MAGI2: variants seen among roughly 807,000 people sequenced by gnomAD.
MAGI2 encodes membrane associated guanylate kinase, WW and PDZ domain containing 2.
MAGI2 carries 35 observed loss-of-function variants against 133.3 expected under a neutral mutation model. The observed-to-expected ratio is 0.26, with a 90% confidence interval of 0.20 to 0.35. The LOEUF (loss-of-function observed/expected upper bound fraction) is 0.35, where lower values mean the gene tolerates loss of function less well. Ranked by LOEUF, MAGI2 falls within the 10% of genes least tolerant of loss-of-function variation. MAGI2 has a pLI of 1.00. For missense variants in MAGI2, 1,636 were observed against 1,863.4 expected (o/e 0.88, Z 2.25); for synonymous variants, 729 against 710.6 (o/e 1.03, Z -0.41).
intron 1 of MAGI2, among the ~76,000 whole-genome samples, chr7:79,128,491 G>T (rs2129545142): frequency 1.3e-5 from 2 of 152,182 alleles, no homozygotes; most frequent in East Asian, 3.9e-4. Context: ...CTGTGATCCT[G>T]CTTTTCTTTT....
chr7:79,320,863 G>C (rs1029014552), intron 1 of MAGI2, among the ~76,000 whole-genome samples: 5 of 151,978 alleles, frequency 3.3e-5, no homozygotes, highest in East Asian at 1.9e-4. Flanking sequence ...CAGACCCAAG[G>C]CATTTCAAAA....
chr7:78,818,912 C>G (rs1313600810), intron 2 of MAGI2, among the ~76,000 whole-genome samples: 1 of 152,020 alleles, frequency 6.6e-6, no homozygotes, highest in Non-Finnish European at 1.5e-5. Flanking sequence ...CAGAACACTA[C>G]AAAACTTAAC....
intron 3 of MAGI2, among the ~76,000 whole-genome samples, chr7:78,589,958 G>C (rs1407175659): frequency 6.6e-6 from 1 of 152,182 alleles, no homozygotes; most frequent in Non-Finnish European, 1.5e-5. Flanking sequence ...CCTTTGGAAA[G>C]ATAATATTGA....
chr7:79,068,727 G>T lies in MAGI2; in HGVS notation c.302-61521C>A, dbSNP rs372655746. ...TCCTGCTTTCTCTTGTGGGCATTTA[G>T]TGCTATAAATTTCCCTCCACACACT... On this transcript the variant is annotated intron_variant, in intron 1 of 21. Transcript: ENST00000354212. Among the ~76,000 whole-genome samples, 13 of 152,232 alleles carry T rather than the reference G, an allele frequency of 8.5e-5. No individual in the cohort carries two copies. The East Asian group carries it at 9.7e-4, about 11-fold the overall frequency.
chr7:78,168,166 T>A, intron 14 of MAGI2, 58 bp from the exon 15 acceptor site: 1 of 1,534,848 alleles, frequency 6.5e-7, no homozygotes, highest in East Asian at 2.3e-5. Context: ...TCCTTTTTTT[T>A]TTTTTTCGAA....
intron 2 of MAGI2, among the ~76,000 whole-genome samples, chr7:78,874,798 T>C (rs891646866): frequency 6.6e-5 from 10 of 152,198 alleles, no homozygotes; most frequent in African/African-American, 1.9e-4. Flanking sequence ...AAAGAAATTA[T>C]AAATGGTTGA....
At chr7:79,214,397 CTCTCTCTCTCTATATA>C (rs1351116116) in intron 1 of MAGI2, among the ~76,000 whole-genome samples, 55 of 82,720 alleles carry the variant, frequency 6.6e-4, no homozygotes, top group African/African-American at 1.1e-3. Flanking sequence ...CTCTCTCTCT[CTCTCTCTCTCTATATA>C]TATATATATA....
chr7:79,429,496 G>A (rs1389783470), intron 1 of MAGI2, among the ~76,000 whole-genome samples: 5 of 151,874 alleles, frequency 3.3e-5, no homozygotes. Context: ...GTAGAGACGG[G>A]GTTTCACCAT....
intron 2 of MAGI2, among the ~76,000 whole-genome samples, chr7:78,634,267 C>A (rs1809386133): frequency 6.6e-6 from 1 of 152,158 alleles, no homozygotes; most frequent in African/African-American, 2.4e-5. Flanking sequence ...ACAGCTAATG[C>A]CTATGGCCTA....
chr7:78,915,755 C>T (rs1363015034), intron 2 of MAGI2, among the ~76,000 whole-genome samples: 3 of 150,864 alleles, frequency 2.0e-5, no homozygotes, highest in African/African-American at 7.3e-5. Context: ...CACTTGTGCA[C>T]CATAGGTAGT....
At chr7:78,543,760 C>T (rs1241578778) in intron 3 of MAGI2, among the ~76,000 whole-genome samples, 3 of 152,072 alleles carry the variant, frequency 2.0e-5, no homozygotes, top group Admixed American at 1.3e-4. Context: ...TTCTTGTGCT[C>T]GGAAAAGAAA....
intron 1 of MAGI2, among the ~76,000 whole-genome samples, chr7:79,345,398 G>A (rs1841237062): frequency 6.6e-6 from 1 of 152,016 alleles, no homozygotes; most frequent in Admixed American, 6.6e-5. Context: ...CCTACTGACA[G>A]TTTGATCTTG....
At chr7:79,290,629 T>C (rs577464698) in intron 1 of MAGI2, among the ~76,000 whole-genome samples, 31 of 152,154 alleles carry the variant, frequency 2.0e-4, no homozygotes, top group Admixed American at 3.3e-4. Context: ...TGGCCTTCAT[T>C]TTTTCTAATA....
chr7:79,437,494 G>A (rs6466649), intron 1 of MAGI2, among the ~76,000 whole-genome samples: 120,617 of 152,026 alleles, frequency 0.79, 47,976 homozygotes, highest in African/African-American at 0.84. Flanking sequence ...AAAGATATAT[G>A]TTCTCACTAT....
chr7:78,590,119 G>A (rs906065041), intron 3 of MAGI2, among the ~76,000 whole-genome samples: 20 of 152,222 alleles, frequency 1.3e-4, no homozygotes, highest in African/African-American at 4.6e-4. Context: ...GGGAGAGGCA[G>A]AAGAGGGAGT....
At chr7:78,137,780 G>C (rs947021826) in intron 16 of MAGI2, among the ~76,000 whole-genome samples, 2 of 152,066 alleles carry the variant, frequency 1.3e-5, no homozygotes, top group Non-Finnish European at 2.9e-5. Flanking sequence ...TATTCAAAGG[G>C]AAATCAGCAT....
chr7:78,718,453 T>C (rs1819937342), intron 2 of MAGI2, among the ~76,000 whole-genome samples: 1 of 152,060 alleles, frequency 6.6e-6, no homozygotes, highest in Admixed American at 6.6e-5. Context: ...TCCCCATTCC[T>C]TGGATTACCG....
chr7:78,659,472 GA>G (rs1174125182), intron 2 of MAGI2, among the ~76,000 whole-genome samples: 1 of 51,910 alleles, frequency 1.9e-5, no homozygotes, highest in African/African-American at 7.6e-5. Flanking sequence ...ACAAAACAAA[GA>G]AAACCCTGTA....
intron 3 of MAGI2, among the ~76,000 whole-genome samples, chr7:78,552,418 G>C (rs1256617018): frequency 6.6e-6 from 1 of 151,162 alleles, no homozygotes; most frequent in South Asian, 2.1e-4. Flanking sequence ...CCTGACCTCA[G>C]GTGATCTGCC....
Sources: gnomAD v4.1 joint callset for allele counts (sites outside exome capture counted in the v4.1 genomes callset) on GRCh38, gnomAD v4.1.1 for gene constraint, MANE v1.5 for transcripts, NCBI Gene and HGNC (gene_info 2026-07-23, HGNC 2026-07-21) for gene names.